THADA: variants seen among roughly 807,000 people sequenced by gnomAD.
THADA encodes the protein tRNA (32-2'-O)-methyltransferase regulator THADA.
In THADA, 213 loss-of-function variants were observed where a neutral mutation model predicts 219.8. The ratio of observed to expected loss-of-function variants is 0.97; its 90% CI spans 0.87 to 1.09. THADA has a LOEUF of 1.09. THADA is among the 50% of genes least tolerant of loss of function. THADA has a pLI of 0.00. For synonymous variants in THADA, 1,018 were observed against 828.9 expected, an observed-to-expected ratio of 1.23 and a Z score of -3.92; for missense variants, 2,956 against 2,311.3, an observed-to-expected ratio of 1.28 and a Z score of -5.72.
chr2:43,414,142 T>C (rs534509975), intron 28 of THADA, among the ~76,000 whole-genome samples: 2 of 152,364 alleles, frequency 1.3e-5, no homozygotes, highest in African/African-American at 4.8e-5. Flanking sequence ...GTTGGTTGAA[T>C]CCATAAATGA....
intron 28 of THADA, among the ~76,000 whole-genome samples, chr2:43,423,645 G>T (rs112732186): frequency 0.3 from 45,813 of 151,872 alleles, 7,231 homozygotes; most frequent in Non-Finnish European, 0.35. Flanking sequence ...TGTTAGCCAG[G>T]ATGGTCTCGA....
At chr2:43,542,285 T>G (rs967314557) in intron 20 of THADA, among the ~76,000 whole-genome samples, 5 of 152,320 alleles carry the variant, frequency 3.3e-5, no homozygotes, top group African/African-American at 1.2e-4. Flanking sequence ...AATAATATAT[T>G]GCACTAAAGA....
chr2:43,512,103 C>G (rs1355340402), intron 22 of THADA, among the ~76,000 whole-genome samples: 3 of 152,222 alleles, frequency 2.0e-5, no homozygotes, highest in Admixed American at 6.5e-5. Context: ...CAGAAGAATG[C>G]TCTACAAGGT....
rs530727029 is a variant in THADA at position 43,432,074 on chromosome 2, T to C, written c.3837-1772A>G. Among the ~76,000 whole-genome samples, 86 of 135,794 alleles carry C rather than the reference T, an allele frequency of 6.3e-4. 1 individual carries two copies. The highest frequency in any genetic ancestry group is 3.5e-3 in the Middle Eastern group (1 of 282). 89.1% of individuals were successfully genotyped at this position (135,794 alleles called of 152,430 possible). A position where few individuals can be genotyped will look rare whatever the true frequency, so the allele number is the denominator to read the frequency against. The stretch of plus-strand genomic sequence containing the variant: ...GGTTTCACCGTTTTAGCCGGGATGG[T>C]CTCGATCTCCTGACCTCGTGATCCG... On this transcript the variant is annotated intron_variant, in intron 26 of 37. Coordinates refer to ENST00000405975, the MANE Select transcript of THADA (RefSeq NM_022065.5).
At chr2:43,543,258 T>C (rs1284435845) in intron 20 of THADA, among the ~76,000 whole-genome samples, 1 of 132,172 alleles carries the variant, frequency 7.6e-6, no homozygotes, top group Non-Finnish European at 1.6e-5. Flanking sequence ...CCACATTTTC[T>C]TAATCCAGTC....
intron 28 of THADA, among the ~76,000 whole-genome samples, chr2:43,426,360 C>A (rs78886764): frequency 0.084 from 12,717 of 152,214 alleles, 597 homozygotes; most frequent in South Asian, 0.14. Flanking sequence ...TAAGACAGAG[C>A]ACAGGTTCTA....
intron 29 of THADA, among the ~76,000 whole-genome samples, chr2:43,389,401 C>T (rs1235090051): frequency 6.6e-6 from 1 of 152,222 alleles, no homozygotes; most frequent in African/African-American, 2.4e-5. Flanking sequence ...AGGGGGACCA[C>T]TTGAGCCTAG....
At chr2:43,588,745 G>C (rs1701250791) in intron 4 of THADA, among the ~76,000 whole-genome samples, 1 of 152,034 alleles carries the variant, frequency 6.6e-6, no homozygotes, top group Admixed American at 6.6e-5. Context: ...GGGTAGTCTG[G>C]GGGAGTACAA....
chr2:43,380,598 G>A (rs1671892992), intron 29 of THADA, among the ~76,000 whole-genome samples: 1 of 152,188 alleles, frequency 6.6e-6, no homozygotes, highest in Admixed American at 6.5e-5. Context: ...AAATGGGTTA[G>A]TATACATATA....
rs1194560863 is a variant in THADA at position 43,292,961 on chromosome 2, A to C, written c.4691T>G (p.Leu1564Arg). The C allele has an allele frequency of 1.9e-6, 3 of 1,614,018 alleles. No individual in the cohort carries two copies. ...GGCTGCTGCTAAGAACTTTTCCAAG[A>C]GGGCTTCCAGTGTTAGTGAGCGCAC... ...PEVRSLTLEA[L>R]LEKFLAAASG... The change falls in exon 32 of 38, where the codon CTC becomes CGC. Residue 1564 changes from leucine (L) to arginine (R), a missense_variant. Leu to Arg is a moderately radical substitution (Grantham distance 102, BLOSUM62 -2). Transcript: ENST00000405975.
intron 29 of THADA, among the ~76,000 whole-genome samples, chr2:43,387,329 T>G (rs970985247): frequency 1.3e-5 from 2 of 152,216 alleles, no homozygotes; most frequent in Admixed American, 1.3e-4. Context: ...AACAAGGACA[T>G]GAAGCAAGCT....
chr2:43,308,287 A>T (rs1313738945), intron 31 of THADA, among the ~76,000 whole-genome samples: 1 of 152,206 alleles, frequency 6.6e-6, no homozygotes, highest in Non-Finnish European at 1.5e-5. Flanking sequence ...AGTAAAACAG[A>T]TTAAAAAAAA....
chr2:43,510,741 C>T (rs187835888), intron 22 of THADA, among the ~76,000 whole-genome samples: 6 of 150,158 alleles, frequency 4.0e-5, no homozygotes, highest in Non-Finnish European at 8.9e-5. Flanking sequence ...GAGGCTGAGG[C>T]GGGAGGATCA....
intron 20 of THADA, among the ~76,000 whole-genome samples, chr2:43,548,649 C>T (rs1574203736): frequency 1.3e-5 from 2 of 152,194 alleles, no homozygotes; most frequent in African/African-American, 2.4e-5. Context: ...AGCGAGACTC[C>T]GTGGGCGTAG....
intron 35 of THADA, among the ~76,000 whole-genome samples, chr2:43,286,425 G>A (rs1674012009): frequency 6.6e-6 from 1 of 152,128 alleles, no homozygotes; most frequent in Admixed American, 6.6e-5. Context: ...GGGTAAGGCT[G>A]AAAAACAAGA....
chr2:43,421,152 CAAAGAAG>C (rs1677668696), intron 28 of THADA, among the ~76,000 whole-genome samples: 1 of 152,168 alleles, frequency 6.6e-6, no homozygotes, highest in South Asian at 2.1e-4. Context: ...GGCCTATAAG[CAAAGAAG>C]AAAACTGAGC....
chr2:43,581,732 T>C lies in THADA; in HGVS notation c.721+9A>G, dbSNP rs1189940335. 2 of 1,603,632 alleles carry C rather than the reference T, an allele frequency of 1.2e-6. No homozygotes were observed. Among genetic ancestry groups the C allele is most frequent in the Non-Finnish European group, 1.7e-6 (2 of 1,176,978 alleles). ...TATATATCATTTGTATATAATTTGT[T>C]ACACTTACCATCGCTTAAAACCTTG... On this transcript the variant is annotated intron_variant, in intron 8 of 37. Coordinates refer to ENST00000405975, the MANE Select transcript of THADA (RefSeq NM_022065.5).
At chr2:43,249,182 G>A (rs1418701889) in intron 36 of THADA, among the ~76,000 whole-genome samples, 2 of 151,908 alleles carry the variant, frequency 1.3e-5, no homozygotes, top group Admixed American at 6.6e-5. Context: ...CAACCTCCTG[G>A]GCTCAAGTGA....
chr2:43,489,874 C>CAAAAAACAAAAAAAAAAAAAAAAAA (rs1687405408), intron 25 of THADA, among the ~76,000 whole-genome samples: 1 of 56,088 alleles, frequency 1.8e-5, no homozygotes, highest in Non-Finnish European at 3.8e-5. Context: ...TTAAGATCTG[C>CAAAAAACAAAAAAAAAAAAAAAAAA]AAAAAAAAAA....
Sources: gnomAD v4.1 joint callset for allele counts (sites outside exome capture counted in the v4.1 genomes callset) on GRCh38, gnomAD v4.1.1 for gene constraint, MANE v1.5 for transcripts, NCBI Gene and HGNC (gene_info 2026-07-23, HGNC 2026-07-21) for gene names.